WDR27: variants seen among roughly 807,000 people sequenced by gnomAD.
WDR27 encodes the protein WD repeat domain 27.
Under a neutral mutation model 114.4 loss-of-function variants are expected in WDR27, and 100 were observed. The ratio of observed to expected loss-of-function variants is 0.87; its 90% CI spans 0.74 to 1.03. The LOEUF is 1.03. Among genes scored for constraint, WDR27 ranks in the 50% least tolerant of loss-of-function variants. WDR27 has a pLI of 0.00. For synonymous variants in WDR27, 449 were observed against 423.1 expected, an observed-to-expected ratio of 1.06 and a Z score of -0.75; for missense variants, 1,129 against 1,092.9, an observed-to-expected ratio of 1.03 and a Z score of -0.47.
the WDR27 span, among the ~76,000 whole-genome samples, chr6:169,427,622 G>C: frequency 6.6e-6 from 1 of 152,086 alleles, no homozygotes; most frequent in Admixed American, 6.5e-5. Flanking sequence ...CAGAGCAGGA[G>C]TTTCTGCTGC....
intron 16 of WDR27, among the ~76,000 whole-genome samples, chr6:169,644,360 A>G (rs1278257907): frequency 2.0e-5 from 3 of 151,696 alleles, no homozygotes; most frequent in Admixed American, 6.6e-5. Context: ...AGCCTAGTTC[A>G]TACGAGTCAC....
In WDR27 at chr6:169,670,613, C is replaced by T. The variant is rs750322271; in HGVS notation, c.412G>A (p.Val138Ile). The change falls in exon 4 of 26, where the codon GTT (valine) becomes ATT (isoleucine). Residue 138 changes from valine to isoleucine, a missense_variant. Val to Ile is a conservative substitution (Grantham distance 29, BLOSUM62 3). Coordinates refer to ENST00000448612, the MANE Select transcript of WDR27 (RefSeq NM_182552.5). The stretch of plus-strand genomic sequence containing the variant: ...ATTTTGTTTCCAGCACACACGGCAA[C>T]AACATGATCATCCAGGCTCAACTGT... Reference protein sequence around the residue: ...CLQLSLDDHVVAVCAGNKIFM... With the variant: ...CLQLSLDDHVIAVCAGNKIFM... The T allele has an allele frequency of 3.9e-5, 63 of 1,613,876 alleles. No homozygotes were observed. Among genetic ancestry groups the T allele is most frequent in the Non-Finnish European group, 5.1e-5 (60 of 1,179,908 alleles).
intron 25 of WDR27, among the ~76,000 whole-genome samples, chr6:169,567,051 G>A (rs1800613055): frequency 2.0e-5 from 3 of 152,222 alleles, no homozygotes; most frequent in Non-Finnish European, 4.4e-5. Flanking sequence ...CAACAACGAT[G>A]TCTGCGTGCC....
At chr6:169,651,204 T>TGG (rs1822445294) in intron 14 of WDR27, among the ~76,000 whole-genome samples, 3 of 15,104 alleles carry the variant, frequency 2.0e-4, no homozygotes, top group Non-Finnish European at 3.4e-4. Context: ...AGTGGGGGAG[T>TGG]GGGGGAGTGG....
intron 25 of WDR27, among the ~76,000 whole-genome samples, chr6:169,475,968 G>T (rs1013526392): frequency 6.6e-6 from 1 of 152,174 alleles, no homozygotes; most frequent in African/African-American, 2.4e-5. Context: ...CATTAATGGA[G>T]AATTGACATT....
chr6:169,538,243 C>T (rs982608153), intron 25 of WDR27, among the ~76,000 whole-genome samples: 1 of 152,160 alleles, frequency 6.6e-6, no homozygotes, highest in African/African-American at 2.4e-5. Flanking sequence ...TTTAGTCAAT[C>T]ACTAACCTTA....
At chr6:169,619,288 C>G (rs1812585407) in intron 21 of WDR27, among the ~76,000 whole-genome samples, 1 of 152,220 alleles carries the variant, frequency 6.6e-6, no homozygotes, top group African/African-American at 2.4e-5. Context: ...CGAGGCACAT[C>G]TACACAACAA....
chr6:169,485,967 T>C (rs904629688), intron 25 of WDR27, among the ~76,000 whole-genome samples: 1 of 151,976 alleles, frequency 6.6e-6, no homozygotes, highest in Non-Finnish European at 1.5e-5. Flanking sequence ...CATGGACACA[T>C]GGAGGGAAAC....
At chr6:169,431,125 T>C in the WDR27 span, among the ~76,000 whole-genome samples, 1 of 152,212 alleles carries the variant, frequency 6.6e-6, no homozygotes, top group East Asian at 1.9e-4. Flanking sequence ...CAGTTAGGGC[T>C]TGCCAGCTCC....
chr6:169,440,702 A>C, the WDR27 span, among the ~76,000 whole-genome samples: 1 of 152,236 alleles, frequency 6.6e-6, no homozygotes, highest in East Asian at 1.9e-4. Flanking sequence ...TATGAATAAC[A>C]TAACAAAACC....
chr6:169,562,824 C>T (rs1387376869), intron 25 of WDR27, among the ~76,000 whole-genome samples: 2 of 152,030 alleles, frequency 1.3e-5, no homozygotes, highest in Non-Finnish European at 2.9e-5. Flanking sequence ...GTGAGGAGGC[C>T]GATGAGATAG....
intron 21 of WDR27, among the ~76,000 whole-genome samples, chr6:169,632,636 C>G (rs571898837): frequency 6.6e-6 from 1 of 152,306 alleles, no homozygotes; most frequent in African/African-American, 2.4e-5. Context: ...ACCTATGTGT[C>G]TACCATGCAA....
intron 22 of WDR27, among the ~76,000 whole-genome samples, chr6:169,603,636 CT>C (rs1808505235): frequency 6.6e-6 from 1 of 152,184 alleles, no homozygotes. Flanking sequence ...TCATGTGTTT[CT>C]TGTCTAATGA....
chr6:169,481,744 A>T (rs569405226), intron 25 of WDR27, among the ~76,000 whole-genome samples: 4 of 152,096 alleles, frequency 2.6e-5, no homozygotes, highest in Non-Finnish European at 5.9e-5. Flanking sequence ...GGAGGAATGA[A>T]CAACTCCAGA....
Position 169,701,920 on chromosome 6 carries a change from TCA to T in WDR27, c.-379_-378del. 2.8e-6 allele frequency: 1 copy of T among 351,674 alleles called. No individual in the cohort carries two copies. The highest frequency in any genetic ancestry group is 3.6e-5 in the Admixed American group (1 of 27,654). 21.8% of individuals were successfully genotyped at this position (351,674 alleles called of 1,614,324 possible). A position where few individuals can be genotyped will look rare whatever the true frequency, so the allele number is the denominator to read the frequency against. On this transcript the variant is annotated 5_prime_UTR_variant, in exon 1 of 26. Coordinates refer to ENST00000448612, the MANE Select transcript of WDR27 (RefSeq NM_182552.5). ...CGAGACCAGCCCGCTAGGGGAGGAC[TCA>T]CAGCACCCAGCTCCCAGGAGGGCAC...
At chr6:169,552,499 C>T (rs1310676651) in intron 25 of WDR27, among the ~76,000 whole-genome samples, 2 of 152,146 alleles carry the variant, frequency 1.3e-5, no homozygotes, top group South Asian at 2.1e-4. Context: ...TGCAGTAGCT[C>T]CCTCATAAAC....
intron 25 of WDR27, among the ~76,000 whole-genome samples, chr6:169,465,827 CAG>C (rs1288947807): frequency 7.9e-5 from 12 of 152,074 alleles, no homozygotes; most frequent in African/African-American, 2.9e-4. Context: ...TAGTCAAAAT[CAG>C]AGATACAGGA....
intron 16 of WDR27, among the ~76,000 whole-genome samples, chr6:169,645,008 C>CAA (rs1194294838): frequency 2.1e-3 from 17 of 8,132 alleles, no homozygotes; most frequent in South Asian, 3.1e-3. Context: ...GACTCCGTCT[C>CAA]AAAAAAAAAA....
At chr6:169,466,618 G>A (rs530202732) in intron 25 of WDR27, among the ~76,000 whole-genome samples, 1 of 152,136 alleles carries the variant, frequency 6.6e-6, no homozygotes, top group East Asian at 1.9e-4. Flanking sequence ...TTTGGGTGGG[G>A]ACACAGCCAA....
Sources: gnomAD v4.1 joint callset for allele counts (sites outside exome capture counted in the v4.1 genomes callset) on GRCh38, gnomAD v4.1.1 for gene constraint, MANE v1.5 for transcripts, NCBI Gene and HGNC (gene_info 2026-07-23, HGNC 2026-07-21) for gene names.